The following ITPR1 variants were observed in gnomAD, a reference collection of about 807,000 sequenced individuals.
ITPR1 encodes inositol 1,4,5-trisphosphate receptor type 1, also known as inositol 1,4,5-trisphosphate-gated calcium channel ITPR1.
Under a neutral mutation model 318.4 loss-of-function variants are expected in ITPR1, and 96 were observed. That is an observed-to-expected ratio of 0.30 (90% CI 0.26 to 0.36). The LOEUF (loss-of-function observed/expected upper bound fraction) is 0.36, where lower values mean the gene tolerates loss of function less well. Ranked by LOEUF, ITPR1 falls within the 10% of genes least tolerant of loss-of-function variation. ITPR1 has a pLI of 1.00. For synonymous variants in ITPR1, 1,312 were observed against 1,289.9 expected (o/e 1.02, Z -0.37); for missense variants, 2,440 against 3,460.2 (o/e 0.71, Z 7.40).
intron 4 of ITPR1, among the ~76,000 whole-genome samples, chr3:4,616,750 G>C (rs1235898228): frequency 6.6e-6 from 1 of 152,168 alleles, no homozygotes; most frequent in Non-Finnish European, 1.5e-5. Context: ...TAATAAGAAA[G>C]AATGAAATAG....
At chr3:4,632,195 A>C (rs2093035480) in intron 5 of ITPR1, among the ~76,000 whole-genome samples, 2 of 152,306 alleles carry the variant, frequency 1.3e-5, no homozygotes, top group South Asian at 2.1e-4. Flanking sequence ...TCAGTCCTGC[A>C]TGTATGTATA....
intron 4 of ITPR1, among the ~76,000 whole-genome samples, chr3:4,593,014 C>T (rs17040999): frequency 0.015 from 2,352 of 152,284 alleles, 61 homozygotes; most frequent in African/African-American, 0.053. Context: ...AGTGACCCAT[C>T]GTCTGATAAC....
chr3:4,565,957 A>G (rs985289231), intron 4 of ITPR1, among the ~76,000 whole-genome samples: 1 of 152,148 alleles, frequency 6.6e-6, no homozygotes, highest in South Asian at 2.1e-4. Flanking sequence ...ATTTTGACCT[A>G]AGGTTTGTGC....
chr3:4,544,239 A>G (rs2084748393), intron 4 of ITPR1, among the ~76,000 whole-genome samples: 1 of 152,188 alleles, frequency 6.6e-6, no homozygotes, highest in Non-Finnish European at 1.5e-5. Context: ...GGAGACAACA[A>G]GCTTTCTATA....
intron 4 of ITPR1, among the ~76,000 whole-genome samples, chr3:4,618,426 A>G (rs1284294730): frequency 1.3e-5 from 2 of 152,172 alleles, no homozygotes; most frequent in African/African-American, 4.8e-5. Flanking sequence ...GCTTTGTGAC[A>G]CTTCTCTGTT....
At chr3:4,539,740 C>T (rs1034516457) in intron 4 of ITPR1, among the ~76,000 whole-genome samples, 3 of 151,962 alleles carry the variant, frequency 2.0e-5, no homozygotes, top group African/African-American at 7.3e-5. Context: ...GAACTGATGG[C>T]TTTATAAGAA....
At position 4,782,586 on chromosome 3, in the gene ITPR1, A is replaced by G. The variant is rs374530884; in HGVS notation, c.6388-33A>G. On this transcript the variant is annotated intron_variant, in intron 49 of 61. Coordinates refer to ENST00000649015, the MANE Select transcript of ITPR1 (RefSeq NM_001378452.1). The stretch of plus-strand genomic sequence containing the variant: ...CAGTCCTGTGTGGGTCTTCCTTGAA[A>G]CAGGATTTTTGTTCCCTTGGCTCTT... The G allele has an allele frequency of 8.2e-6, 13 of 1,582,488 alleles. No individual in the cohort carries two copies. The African/African-American group carries it at 1.5e-4, about 18-fold the overall frequency.
chr3:4,831,704 T>C (rs2050527024), intron 60 of ITPR1, among the ~76,000 whole-genome samples: 1 of 152,206 alleles, frequency 6.6e-6, no homozygotes, highest in African/African-American at 2.4e-5. Flanking sequence ...CAGGCAAGAT[T>C]CTGCAAACAT....
At position 4,778,886 on chromosome 3, in the gene ITPR1, T is replaced by C. The variant is rs759027315; in HGVS notation, c.6292-664T>C. ...TTCAAGTCCTGTACATAAAGAAGCA[T>C]ACAAAGTATCATAGACCCAGGGCCT... is the stretch of plus-strand genomic sequence containing the variant. On this transcript the variant is annotated intron_variant, in intron 48 of 61. Transcript: ENST00000649015. Among the ~76,000 whole-genome samples, 44 of 152,168 alleles carry C rather than the reference T, an allele frequency of 2.9e-4. 1 individual carries two copies. The highest frequency in any genetic ancestry group is 2.1e-3 in the Admixed American group (32 of 15,278).
intron 4 of ITPR1, among the ~76,000 whole-genome samples, chr3:4,566,839 T>C (rs77860739): frequency 0.012 from 1,804 of 152,336 alleles, 15 homozygotes; most frequent in Non-Finnish European, 0.018. Context: ...TTCCCTCTCT[T>C]AATTTCCTCC....
chr3:4,829,241 A>T (rs1242437005), intron 60 of ITPR1, among the ~76,000 whole-genome samples: 4 of 152,196 alleles, frequency 2.6e-5, no homozygotes, highest in South Asian at 4.1e-4. Flanking sequence ...CACACAACTG[A>T]AACTCTTCTT....
intron 37 of ITPR1, among the ~76,000 whole-genome samples, chr3:4,706,847 T>G (rs2094768877): frequency 6.6e-6 from 1 of 152,244 alleles, no homozygotes. Flanking sequence ...GCTCTCCTTT[T>G]GTTAAAGGGG....
chr3:4,550,460 G>A (rs1354025703), intron 4 of ITPR1, among the ~76,000 whole-genome samples: 1 of 152,164 alleles, frequency 6.6e-6, no homozygotes, highest in Non-Finnish European at 1.5e-5. Flanking sequence ...CATAATAAAT[G>A]ATTGCAGACT....
intron 2 of ITPR1, among the ~76,000 whole-genome samples, chr3:4,500,536 A>G (rs1361796441): frequency 6.6e-6 from 1 of 152,192 alleles, no homozygotes; most frequent in Non-Finnish European, 1.5e-5. Context: ...CCTAGGGCCA[A>G]GTAGGTACTC....
In ITPR1 at chr3:4,782,725, A is replaced by G; in HGVS notation, c.6494A>G (p.Tyr2165Cys). The G allele has an allele frequency of 6.3e-7, 1 of 1,576,110 alleles. No homozygotes were observed. Residue 2165 changes from tyrosine to cysteine, a missense_variant, in exon 50 of 62, where the codon TAC becomes TGC. By Grantham distance (194) the Tyr-to-Cys change is radical (BLOSUM62 -2). Coordinates refer to ENST00000649015, the MANE Select transcript of ITPR1 (RefSeq NM_001378452.1). ...ASPRNVGHNIYILAHQLARHN... is the reference protein window; with the variant it reads ...ASPRNVGHNICILAHQLARHN... ...CCCAGGAACGTGGGGCACAACATCT[A>G]CATATTAGCCCATCAGGTATGATCT...
rs751794147 is a variant in ITPR1, at chr3:4,758,341, C to T, written c.5545-8189C>T. Among the ~76,000 whole-genome samples the T allele has an allele frequency of 2.5e-4, 38 of 152,282 alleles. 1 individual carries two copies. The highest frequency in any genetic ancestry group is 9.1e-4 in the Admixed American group (14 of 15,304). On this transcript the variant is annotated intron_variant, in intron 44 of 61. Coordinates refer to ENST00000649015, the MANE Select transcript of ITPR1 (RefSeq NM_001378452.1). ...GTCACTCTGTGCTGGACTGCTCCCCCGCAAGCCATGCCCGCTCCCACCAGG... is the reference window on the plus strand; with the variant it reads ...GTCACTCTGTGCTGGACTGCTCCCCTGCAAGCCATGCCCGCTCCCACCAGG...
At chr3:4,719,753 C>T (rs1047542502) in intron 40 of ITPR1, among the ~76,000 whole-genome samples, 3 of 152,030 alleles carry the variant, frequency 2.0e-5, no homozygotes, top group African/African-American at 7.2e-5. Context: ...GTGTAGATTT[C>T]CTGCAAGAAA....
At chr3:4,516,721 A>C (rs1280258042) in intron 3 of ITPR1, 138 bp downstream of exon 3, 1 of 664,868 alleles carries the variant, frequency 1.5e-6, no homozygotes, top group Non-Finnish European at 2.7e-6. Context: ...CAAACACCAA[A>C]TCTCATGTTA....
Position 4,658,114 on chromosome 3 carries a change from A to T in ITPR1, c.997-10A>T. 6.2e-7 allele frequency: 1 copy of T among 1,601,888 alleles called. No individual in the cohort carries two copies. Among genetic ancestry groups the T allele is most frequent in the African/African-American group, 1.3e-5 (1 of 74,696 alleles). ...GCATGGTTCTTGATTTGGTGACTTT[A>T]CCTCCTCAGGTGGACCCTGATCAGG... On this transcript the variant is annotated splice_polypyrimidine_tract_variant and intron_variant, in intron 12 of 61. Coordinates refer to ENST00000649015, the MANE Select transcript of ITPR1 (RefSeq NM_001378452.1).
Sources: allele counts gnomAD v4.1 joint callset (sites outside exome capture counted in the v4.1 genomes callset), GRCh38; gene constraint gnomAD v4.1.1; transcripts MANE v1.5; gene names NCBI Gene and HGNC (gene_info 2026-07-23, HGNC 2026-07-21).